Variants in ORC3 observed in about 807,000 individuals in gnomAD.
The protein encoded by ORC3 is origin recognition complex subunit 3.
In ORC3, 78 loss-of-function variants were observed where a neutral mutation model predicts 100.7. The observed-to-expected ratio is 0.77, with a 90% CI of 0.65 to 0.94. The LOEUF is 0.94. Ranked by LOEUF, ORC3 falls within the 40% of genes least tolerant of loss-of-function variation. ORC3 has a pLI of 0.00. For missense variants in ORC3, 789 were observed against 823.9 expected (o/e 0.96, Z 0.52); for synonymous variants, 295 against 289.3 (o/e 1.02, Z -0.20).
intron 13 of ORC3, among the ~76,000 whole-genome samples, chr6:87,648,261 A>AATCTAATCTAAGTGAAAAAAT (rs1768957628): frequency 6.6e-6 from 1 of 152,198 alleles, no homozygotes; most frequent in Non-Finnish European, 1.5e-5. Flanking sequence ...TAGTCATTCT[A>AATCTAATCTAAGTGAAAAAAT]ATAATCTAAG....
At chr6:87,655,722 G>A (rs1037738048) in intron 14 of ORC3, among the ~76,000 whole-genome samples, 1 of 150,378 alleles carries the variant, frequency 6.6e-6, no homozygotes, top group South Asian at 2.1e-4. Context: ...GCCTGGTCTC[G>A]AACTCCTTGT....
intron 5 of ORC3, among the ~76,000 whole-genome samples, chr6:87,607,233 A>G (rs1489422762): frequency 6.6e-6 from 1 of 152,126 alleles, no homozygotes; most frequent in Non-Finnish European, 1.5e-5. Flanking sequence ...GTTCGAGACC[A>G]GCCTGGCCAA....
chr6:87,623,685 AC>A (rs1779688234), intron 11 of ORC3, among the ~76,000 whole-genome samples: 1 of 152,110 alleles, frequency 6.6e-6, no homozygotes, highest in Non-Finnish European at 1.5e-5. Flanking sequence ...GGAGTTCAAG[AC>A]CAGTCTGGCC....
intron 2 of ORC3, chr6:87,595,291 T>G (rs189201792): frequency 6.6e-6 from 1 of 152,378 alleles, no homozygotes; most frequent in Admixed American, 6.5e-5. Flanking sequence ...AACCTTTCCC[T>G]AAGTCTCTTC....
chr6:87,651,959 C>T (rs1204333536), intron 13 of ORC3, among the ~76,000 whole-genome samples: 1 of 149,238 alleles, frequency 6.7e-6, no homozygotes, highest in Non-Finnish European at 1.5e-5. Flanking sequence ...AGTGCAGTGT[C>T]GTGATCTCAG....
At position 87,600,108 on chromosome 6, in the gene ORC3, A is replaced by G. The variant is rs981740821; in HGVS notation, c.80-1676A>G. Among the ~76,000 whole-genome samples, 4 of 152,220 alleles carry G rather than the reference A, an allele frequency of 2.6e-5. No homozygotes were observed. In the South Asian group the frequency reaches 8.3e-4, roughly 32 times the overall value. ...AGGCTTTTGATAAAATTAAAAATCA[A>G]TAGTTGCTAAAAACTCTGAGTTAAC... is the stretch of plus-strand genomic sequence containing the variant. On this transcript the variant is annotated intron_variant, in intron 2 of 19. Transcript: ENST00000392844.
chr6:87,675,794 TATA>T, the ORC3 span: 3 of 1,504,930 alleles, frequency 2.0e-6, no homozygotes, highest in Middle Eastern at 1.7e-4. Context: ...TGAAAATAAT[TATA>T]ATGTCTTCTC....
rs1336539551 is a variant in ORC3 at position 87,665,756 on chromosome 6, T to C, written c.1953T>C (p.Ala651=). Reference sequence around the variant, plus strand: ...CTTCTGTCTTGTCTATTCAAAAGGCTTTTGCAACAGTTGTGACAGCTGCTG... The same window carrying C: ...CTTCTGTCTTGTCTATTCAAAAGGCCTTTGCAACAGTTGTGACAGCTGCTG... ...RLINLVDWSE[A]FATVVTAAEK... The change falls in exon 19 of 20, where the codon GCT becomes GCC. Residue 651 remains alanine (A), a splice_region_variant and synonymous_variant. Transcript: ENST00000392844. The C allele has an allele frequency of 6.2e-7, 1 of 1,606,804 alleles. No homozygotes were observed. The highest frequency in any genetic ancestry group is 1.1e-5 in the South Asian group (1 of 90,784).
intron 13 of ORC3, among the ~76,000 whole-genome samples, chr6:87,638,949 T>C (rs2128280371): frequency 1.3e-5 from 2 of 152,074 alleles, no homozygotes; most frequent in South Asian, 4.2e-4. Flanking sequence ...ATTGTCCATC[T>C]AGTTGGCCGA....
intron 3 of ORC3, among the ~76,000 whole-genome samples, chr6:87,602,772 C>T (rs538013768): frequency 1.3e-5 from 2 of 151,490 alleles, no homozygotes; most frequent in African/African-American, 4.9e-5. Context: ...CAATTCCAGG[C>T]AACCCCTCCA....
chr6:87,622,502 G>A (rs1360123598), intron 11 of ORC3, among the ~76,000 whole-genome samples: 1 of 152,104 alleles, frequency 6.6e-6, no homozygotes, highest in African/African-American at 2.4e-5. Flanking sequence ...AAAATTATCA[G>A]TGAGCTGTAC....
intron 2 of ORC3, among the ~76,000 whole-genome samples, chr6:87,598,136 C>T (rs1777605328): frequency 6.6e-6 from 1 of 152,136 alleles, no homozygotes; most frequent in African/African-American, 2.4e-5. Flanking sequence ...CTCCGGGAAT[C>T]CTCCTGCCTT....
Position 87,658,121 on chromosome 6 carries a change from G to A in ORC3, c.1691+103G>A, listed in dbSNP as rs752714268. On this transcript the variant is annotated intron_variant, in intron 16 of 19. Transcript: ENST00000392844. ...GCCAATCCAGAACATTTTTCTCCTA[G>A]GTTAGGCTTTATGCTTTTCAGGTCT... 6.4e-5 allele frequency: 41 copies of A among 637,198 alleles called. 1 individual carries two copies. Among genetic ancestry groups the A allele is most frequent in the Admixed American group, 1.3e-4 (5 of 37,970 alleles). 39.5% of individuals were successfully genotyped at this position (637,198 alleles called of 1,614,324 possible). A position where few individuals can be genotyped will look rare whatever the true frequency, so the allele number is the denominator to read the frequency against.
At chr6:87,606,171 A>T (rs1778326695) in intron 5 of ORC3, 150 bp downstream of exon 5, 2 of 544,288 alleles carry the variant, frequency 3.7e-6, no homozygotes, top group African/African-American at 3.9e-5. Flanking sequence ...GGGCTCTCAG[A>T]GTAATTGTGA....
At chr6:87,623,119 ATG>A (rs1779648283) in intron 11 of ORC3, among the ~76,000 whole-genome samples, 1 of 152,240 alleles carries the variant, frequency 6.6e-6, no homozygotes, top group Non-Finnish European at 1.5e-5. Flanking sequence ...AAAATTAAAA[ATG>A]TGTTTTAAAA....
intron 16 of ORC3, among the ~76,000 whole-genome samples, chr6:87,662,380 C>T (rs1327529194): frequency 6.6e-6 from 1 of 151,804 alleles, no homozygotes; most frequent in Non-Finnish European, 1.5e-5. Flanking sequence ...TGCAGTGAGC[C>T]GAGATTGCAC....
chr6:87,652,371 A>G (rs1447884516), intron 13 of ORC3, among the ~76,000 whole-genome samples: 1 of 152,212 alleles, frequency 6.6e-6, no homozygotes, highest in African/African-American at 2.4e-5. Flanking sequence ...CAAGAACAAG[A>G]TCCTAACTTT....
intron 1 of ORC3, 30 bp downstream of exon 1, chr6:87,590,222 C>T: frequency 1.9e-6 from 3 of 1,609,320 alleles, no homozygotes; most frequent in Non-Finnish European, 2.6e-6. Context: ...CACTGTGGCT[C>T]TACCGCTGCC....
chr6:87,626,294 G>A (rs940565353), intron 11 of ORC3, among the ~76,000 whole-genome samples: 4 of 152,108 alleles, frequency 2.6e-5, no homozygotes, highest in East Asian at 1.9e-4. Context: ...CCATTTTCAC[G>A]ATATTGATTC....
Sources: gnomAD v4.1 joint callset for allele counts (sites outside exome capture counted in the v4.1 genomes callset) on GRCh38, gnomAD v4.1.1 for gene constraint, MANE v1.5 for transcripts, NCBI Gene and HGNC (gene_info 2026-07-23, HGNC 2026-07-21) for gene names.